The following CD82 variants were observed in gnomAD, a reference collection of about 807,000 sequenced individuals.
CD82 encodes CD82 molecule, also known as CD82 antigen.
A neutral mutation model predicts 37.4 loss-of-function variants in CD82; 36 were observed. The ratio of observed to expected loss-of-function variants is 0.96; its 90% CI spans 0.74 to 1.27. The LOEUF (loss-of-function observed/expected upper bound fraction) is 1.27, where lower values mean the gene tolerates loss of function less well. CD82 is among the 50% of genes most tolerant of loss of function. CD82 has a pLI of 0.00. For missense variants in CD82, 340 were observed against 347.0 expected (o/e 0.98, Z 0.16); for synonymous variants, 158 against 137.4 (o/e 1.15, Z -1.05).
chr11:44,604,696 T>A, intron 4 of CD82: 1 of 321,882 alleles, frequency 3.1e-6, no homozygotes, highest in South Asian at 2.8e-5. Flanking sequence ...TCCCCAGGAA[T>A]AAAGTGAAGC....
chr11:44,577,048 G>T (rs530632262), intron 1 of CD82, among the ~76,000 whole-genome samples: 112 of 152,174 alleles, frequency 7.4e-4, no homozygotes, highest in African/African-American at 2.6e-3. Context: ...GGTACAAGGG[G>T]CCCAGGATCC....
chr11:44,585,043 CCT>C (rs2134638570), intron 1 of CD82: 1 of 359,752 alleles, frequency 2.8e-6, no homozygotes, highest in Non-Finnish European at 5.5e-6. Flanking sequence ...ACTGGCTGGA[CCT>C]CTGAGTCTCA....
At chr11:44,611,037 GT>G (rs1853473338) in intron 6 of CD82, among the ~76,000 whole-genome samples, 1 of 152,236 alleles carries the variant, frequency 6.6e-6, no homozygotes, top group African/African-American at 2.4e-5. Context: ...GTTTCACCAT[GT>G]TGGCCAGACT....
At chr11:44,565,801 C>A (rs1286651381) in intron 1 of CD82, 65 bp downstream of exon 1, 1 of 152,308 alleles carries the variant, frequency 6.6e-6, no homozygotes, top group Non-Finnish European at 1.5e-5. Flanking sequence ...TAGTTTTAGC[C>A]CCCGCTTCTG....
intron 6 of CD82, among the ~76,000 whole-genome samples, chr11:44,605,652 C>T (rs1461096597): frequency 6.6e-6 from 1 of 152,150 alleles, no homozygotes; most frequent in Non-Finnish European, 1.5e-5. Flanking sequence ...CTTAGCCTGA[C>T]CCCCCTGCTT....
intron 3 of CD82, among the ~76,000 whole-genome samples, chr11:44,598,400 ATTTTTTTTTTTTTTT>A (rs71038809): frequency 3.7e-4 from 22 of 58,906 alleles, no homozygotes; most frequent in African/African-American, 5.2e-4. Flanking sequence ...TTTGGCCTTA[ATTTTTTTTTTTTTTT>A]TTTTTTTTTT....
intron 9 of CD82, 45 bp downstream of exon 9, chr11:44,618,768 G>A (rs769912129): frequency 6.5e-7 from 1 of 1,532,216 alleles, no homozygotes; most frequent in Non-Finnish European, 9.0e-7. Context: ...AGGTCCTCCT[G>A]GGTTGTCTCT....
intron 6 of CD82, chr11:44,606,867 A>C (rs1383769423): frequency 1.3e-5 from 2 of 152,306 alleles, no homozygotes; most frequent in Non-Finnish European, 2.9e-5. Context: ...TACAGTGTTG[A>C]CCACGTTACA....
At position 44,619,390 on chromosome 11, in the gene CD82, C is replaced by T. The variant is rs1054407842; in HGVS notation, c.*264C>T. Reference sequence around the variant, plus strand: ...ACTCAGAGAAAAATGCTCCCCACAGCGTCCCTGGCGCAGGTGGGCTGGACT... The same window carrying T: ...ACTCAGAGAAAAATGCTCCCCACAGTGTCCCTGGCGCAGGTGGGCTGGACT... On this transcript the variant is annotated 3_prime_UTR_variant, in exon 10 of 10. Coordinates refer to ENST00000227155, the MANE Select transcript of CD82 (RefSeq NM_002231.4). 9 of 508,200 alleles carry T rather than the reference C, an allele frequency of 1.8e-5. 1 individual carries two copies. Among genetic ancestry groups the T allele is most frequent in the Admixed American group, 9.8e-5 (3 of 30,668 alleles). The allele number at this position is 508,200 out of a possible 1,614,324, so 31.5% of individuals were successfully genotyped here. A position where few individuals can be genotyped will look rare whatever the true frequency, so the allele number is the denominator to read the frequency against.
In CD82 at chr11:44,611,175, T is replaced by G. The variant is rs190833667; in HGVS notation, c.337-4097T>G. On this transcript the variant is annotated intron_variant, in intron 6 of 9. Transcript: ENST00000227155. ...TTTTAAACAAGGGGCCCTGCATTTT[T>G]GCTTTGCACTAGGTGTAAATTATGC... Among the ~76,000 whole-genome samples the G allele has an allele frequency of 1.9e-3, 282 of 152,236 alleles. 2 individuals carry two copies. Among genetic ancestry groups the G allele is most frequent in the Non-Finnish European group, 3.3e-3 (226 of 68,006 alleles).
chr11:44,598,307 G>T (rs1853256862), intron 3 of CD82, among the ~76,000 whole-genome samples: 1 of 151,794 alleles, frequency 6.6e-6, no homozygotes, highest in South Asian at 2.1e-4. Flanking sequence ...AGCCACCTGG[G>T]CCCTGGGGCA....
chr11:44,605,650 G>C (rs750417118), intron 6 of CD82, among the ~76,000 whole-genome samples: 2 of 152,134 alleles, frequency 1.3e-5, no homozygotes, highest in Non-Finnish European at 2.9e-5. Flanking sequence ...ATCTTAGCCT[G>C]ACCCCCCTGC....
intron 2 of CD82, among the ~76,000 whole-genome samples, chr11:44,588,234 G>GTT (rs34456560): frequency 1.8e-4 from 26 of 148,400 alleles, no homozygotes; most frequent in Middle Eastern, 3.4e-3. Context: ...TTTGTTTTTT[G>GTT]TTTTTTTTAG....
chr11:44,586,701 A>T (rs1232638487), intron 1 of CD82, among the ~76,000 whole-genome samples: 1 of 152,210 alleles, frequency 6.6e-6, no homozygotes, highest in Non-Finnish European at 1.5e-5. Flanking sequence ...CTTAGGAGGA[A>T]GCAACCCATC....
chr11:44,569,310 C>T lies in CD82; in HGVS notation c.-103+3574C>T, dbSNP rs117249098. Among the ~76,000 whole-genome samples the T allele has an allele frequency of 8.1e-4, 124 of 152,282 alleles. 1 individual carries two copies. The East Asian group carries it at 0.02, about 25-fold the overall frequency. On this transcript the variant is annotated intron_variant, in intron 1 of 9. Transcript: ENST00000227155. ...TGCAACAGGCCCAGCTGGTGTCTCT[C>T]GGAGGCTGGCTGGTTCCTGACTCAC...
intron 2 of CD82, among the ~76,000 whole-genome samples, chr11:44,591,335 G>A (rs924276806): frequency 1.3e-5 from 2 of 152,196 alleles, no homozygotes; most frequent in Non-Finnish European, 2.9e-5. Context: ...GTAGAGGGCT[G>A]AAGAGCTTAG....
intron 2 of CD82, among the ~76,000 whole-genome samples, chr11:44,593,345 C>T (rs1853172633): frequency 6.6e-6 from 1 of 152,236 alleles, no homozygotes; most frequent in South Asian, 2.1e-4. Context: ...CTGGTGCCGT[C>T]CCCTCCACCC....
chr11:44,570,855 G>A (rs1235402030), intron 1 of CD82, among the ~76,000 whole-genome samples: 1 of 152,200 alleles, frequency 6.6e-6, no homozygotes. Flanking sequence ...GGAAGGTGCT[G>A]CTATCCTGTG....
intron 2 of CD82, among the ~76,000 whole-genome samples, chr11:44,588,944 T>C (rs1464466926): frequency 6.6e-6 from 1 of 152,230 alleles, no homozygotes; most frequent in Non-Finnish European, 1.5e-5. Context: ...TCAATTTACC[T>C]GGTGTCAAGT....
Sources: gnomAD v4.1 joint callset for allele counts (sites outside exome capture counted in the v4.1 genomes callset) on GRCh38, gnomAD v4.1.1 for gene constraint, MANE v1.5 for transcripts, NCBI Gene and HGNC (gene_info 2026-07-23, HGNC 2026-07-21) for gene names.